The following HERC5 variants were observed in gnomAD, a reference collection of about 807,000 sequenced individuals.
HERC5 encodes E3 ISG15--protein ligase HERC5.
HERC5 carries 99 observed loss-of-function variants against 119.6 expected under a neutral mutation model. The ratio of observed to expected loss-of-function variants is 0.83; its 90% CI spans 0.70 to 0.98. The LOEUF (loss-of-function observed/expected upper bound fraction) is 0.98, where lower values mean the gene tolerates loss of function less well. Among genes scored for constraint, HERC5 ranks in the 50% least tolerant of loss-of-function variants. The probability of loss-of-function intolerance (pLI) is 0.00; values close to 1 mark genes in which losing one functional copy is unlikely to be tolerated. For missense variants in HERC5, 1,267 were observed against 1,241.3 expected (o/e 1.02, Z -0.31); for synonymous variants, 478 against 445.9 (o/e 1.07, Z -0.91).
intron 20 of HERC5, 93 bp downstream of exon 20, chr4:88,501,078 T>C (rs1741933769): frequency 2.5e-6 from 2 of 790,676 alleles, no homozygotes; most frequent in Non-Finnish European, 4.1e-6. Context: ...AATTTTTCAT[T>C]CTCATTAATC....
chr4:88,475,819 C>G (rs1472882932), intron 11 of HERC5, 22 bp from the exon 12 acceptor site: 8 of 1,609,684 alleles, frequency 5.0e-6, no homozygotes, highest in Non-Finnish European at 6.8e-6. Context: ...AATCCCTTTT[C>G]CCTGTTCCTT....
In HERC5 at chr4:88,469,154, C is replaced by A. The variant is rs938737080; in HGVS notation, c.1135-3C>A. On this transcript the variant is annotated splice_region_variant and splice_polypyrimidine_tract_variant and intron_variant, in intron 8 of 22. Coordinates refer to ENST00000264350, the MANE Select transcript of HERC5 (RefSeq NM_016323.4). ...TGTATTTTACTTTCCTGTTTGTTTA[C>A]AGAATTCATATGTTAATCTGAAGAG... 6.3e-7 allele frequency: 1 copy of A among 1,588,020 alleles called. No individual in the cohort carries two copies. Among genetic ancestry groups the A allele is most frequent in the African/African-American group, 1.3e-5 (1 of 74,372 alleles).
At chr4:88,481,417 A>G (rs538587358) in intron 13 of HERC5, among the ~76,000 whole-genome samples, 6 of 152,202 alleles carry the variant, frequency 3.9e-5, no homozygotes, top group African/African-American at 1.2e-4. Context: ...TCCTTTGTCA[A>G]TGATATGTGT....
chr4:88,464,258 C>T (rs1740565257), intron 6 of HERC5, among the ~76,000 whole-genome samples: 1 of 147,066 alleles, frequency 6.8e-6, no homozygotes, highest in Admixed American at 6.9e-5. Context: ...TATTCAGGTG[C>T]ACTTTTGTCT....
At chr4:88,468,963 G>A (rs1740771879) in intron 8 of HERC5, among the ~76,000 whole-genome samples, 194 bp from the exon 9 acceptor site, 1 of 152,110 alleles carries the variant, frequency 6.6e-6, no homozygotes, top group Non-Finnish European at 1.5e-5. Context: ...TTCAGTCTAA[G>A]CCCCCTTGGA....
At chr4:88,472,583 T>G in intron 11 of HERC5, 81 bp downstream of exon 11, 1 of 853,942 alleles carries the variant, frequency 1.2e-6, no homozygotes, top group Non-Finnish European at 2.0e-6. Context: ...AAGAAATGTT[T>G]TGTGTTAAGG....
At chr4:88,490,726 C>T (rs1414449603) in intron 16 of HERC5, among the ~76,000 whole-genome samples, 1 of 152,066 alleles carries the variant, frequency 6.6e-6, no homozygotes, top group African/African-American at 2.4e-5. Context: ...CGCCTGTAAT[C>T]CCAGCTGCTT....
chr4:88,479,592 C>A, intron 13 of HERC5, 85 bp downstream of exon 13: 1 of 1,133,480 alleles, frequency 8.8e-7, no homozygotes, highest in Non-Finnish European at 1.2e-6. Flanking sequence ...TTTAAGTAGA[C>A]TCGTGTGAGA....
At chr4:88,490,128 A>AT (rs1741588544) in intron 16 of HERC5, among the ~76,000 whole-genome samples, 1 of 152,130 alleles carries the variant, frequency 6.6e-6, no homozygotes, top group African/African-American at 2.4e-5. Context: ...TCTTTAACTG[A>AT]TTTTTTGTTT....
At chr4:88,464,581 TTTTTTGG>T (rs1193364981) in intron 6 of HERC5, among the ~76,000 whole-genome samples, 1 of 151,482 alleles carries the variant, frequency 6.6e-6, no homozygotes, top group African/African-American at 2.4e-5. Context: ...TGTTTGTTTG[TTTTTTGG>T]TTTTTGGTTT....
At chr4:88,489,686 A>G (rs1319621207) in intron 16 of HERC5, among the ~76,000 whole-genome samples, 1 of 152,160 alleles carries the variant, frequency 6.6e-6, no homozygotes, top group East Asian at 1.9e-4. Flanking sequence ...ATAGAGGAGA[A>G]TTAAGGGGTT....
Position 88,478,088 on chromosome 4 carries a change from T to G in HERC5, c.1583-1265T>G, listed in dbSNP as rs147724568. On this transcript the variant is annotated intron_variant, in intron 12 of 22. Transcript: ENST00000264350. Reference sequence around the variant, plus strand: ...CTGTAAAGGAACTTTTCCAGGATGTTAAATTATTAGTAGTATTTTTTAATA... The same window carrying G: ...CTGTAAAGGAACTTTTCCAGGATGTGAAATTATTAGTAGTATTTTTTAATA... Among the ~76,000 whole-genome samples, 825 of 152,302 alleles carry G rather than the reference T, an allele frequency of 5.4e-3. 6 individuals carry two copies. Among genetic ancestry groups the G allele is most frequent in the Non-Finnish European group, 8.0e-3 (547 of 68,020 alleles).
intron 18 of HERC5, among the ~76,000 whole-genome samples, chr4:88,495,203 A>G (rs1241590067): frequency 1.3e-5 from 2 of 152,182 alleles, no homozygotes; most frequent in Admixed American, 6.5e-5. Flanking sequence ...GGAATGATAT[A>G]TTTTTGGTAT....
intron 18 of HERC5, among the ~76,000 whole-genome samples, chr4:88,496,324 C>A (rs1741793980): frequency 2.0e-5 from 3 of 152,030 alleles, no homozygotes; most frequent in Admixed American, 2.0e-4. Flanking sequence ...TATGGATGAA[C>A]AAAGGGTCAA....
At chr4:88,480,502 T>C (rs1578055172) in intron 13 of HERC5, among the ~76,000 whole-genome samples, 1 of 151,858 alleles carries the variant, frequency 6.6e-6, no homozygotes. Context: ...GCTATAAACA[T>C]TTTTGTTCAT....
chr4:88,479,676 T>A (rs1560606780), intron 13 of HERC5, among the ~76,000 whole-genome samples, 169 bp downstream of exon 13: 1 of 152,102 alleles, frequency 6.6e-6, no homozygotes, highest in Non-Finnish European at 1.5e-5. Flanking sequence ...AATATATATA[T>A]AATACCTATT....
Position 88,500,009 on chromosome 4 carries a change from G to A in HERC5, c.2511+17G>A. ...CATTTTAATGTGAGTAACAATAAAA[G>A]CAGATAACAGATTAGTTTTAATCTG... is the stretch of plus-strand genomic sequence containing the variant. On this transcript the variant is annotated intron_variant, in intron 19 of 22. Coordinates refer to ENST00000264350, the MANE Select transcript of HERC5 (RefSeq NM_016323.4). The A allele has an allele frequency of 6.8e-7, 1 of 1,471,050 alleles. No individual in the cohort carries two copies. The highest frequency in any genetic ancestry group is 9.5e-7 in the Non-Finnish European group (1 of 1,050,778). 91.1% of individuals were successfully genotyped at this position (1,471,050 alleles called of 1,614,324 possible). A position where few individuals can be genotyped will look rare whatever the true frequency, so the allele number is the denominator to read the frequency against.
Position 88,505,988 on chromosome 4 carries a change from C to T in HERC5, c.*110C>T, listed in dbSNP as rs1742094382. 1.3e-6 allele frequency: 1 copy of T among 797,064 alleles called. No individual in the cohort carries two copies. The highest frequency in any genetic ancestry group is 2.0e-6 in the Non-Finnish European group (1 of 499,668). The allele number at this position is 797,064 out of a possible 1,614,324, so 49.4% of individuals were successfully genotyped here. On this transcript the variant is annotated 3_prime_UTR_variant, in exon 23 of 23. Coordinates refer to ENST00000264350, the MANE Select transcript of HERC5 (RefSeq NM_016323.4). The stretch of plus-strand genomic sequence containing the variant: ...TTTTAGGCTTTTAGCAGCCTGAAGC[C>T]ATGGTTTTTCATTTCTGTCTCTAGT...
chr4:88,470,129 G>T (rs892880113), intron 9 of HERC5, among the ~76,000 whole-genome samples: 4 of 152,196 alleles, frequency 2.6e-5, no homozygotes, highest in African/African-American at 7.2e-5. Context: ...GAAAATGATT[G>T]TACAAAGTAG....
Sources: gnomAD v4.1 joint callset for allele counts (sites outside exome capture counted in the v4.1 genomes callset) on GRCh38, gnomAD v4.1.1 for gene constraint, MANE v1.5 for transcripts, NCBI Gene and HGNC (gene_info 2026-07-23, HGNC 2026-07-21) for gene names.